SPECC1: variants seen among roughly 807,000 people sequenced by gnomAD.
SPECC1 encodes the protein sperm antigen with calponin homology and coiled-coil domains 1.
SPECC1 carries 62 observed loss-of-function variants against 104.1 expected under a neutral mutation model. That is an observed-to-expected ratio of 0.60 (90% CI 0.49 to 0.74). The LOEUF (loss-of-function observed/expected upper bound fraction) is 0.74, where lower values mean the gene tolerates loss of function less well. Ranked by LOEUF, SPECC1 falls within the 30% of genes least tolerant of loss-of-function variation. The pLI is 0.00. For missense variants in SPECC1, 1,306 were observed against 1,310.5 expected (o/e 1.00, Z 0.05); for synonymous variants, 513 against 501.6 (o/e 1.02, Z -0.30).
chr17:20,268,838 G>T lies in SPECC1; in HGVS notation c.2940+8544G>T, dbSNP rs2040301883. ...GTGTTTCTGGTTGGTTTTCTCTCAC[G>T]AGCCAGTGTGCTGTGGGGCACCCGC... On this transcript the variant is annotated intron_variant, in intron 12 of 14. Transcript: ENST00000395527. Among the ~76,000 whole-genome samples, 4 of 152,242 alleles carry T rather than the reference G, an allele frequency of 2.6e-5. No individual in the cohort carries two copies. The South Asian group carries it at 8.3e-4, about 32-fold the overall frequency.
At chr17:20,251,258 G>A (rs1391328190) in intron 9 of SPECC1, among the ~76,000 whole-genome samples, 1 of 92,270 alleles carries the variant, frequency 1.1e-5, no homozygotes, top group East Asian at 5.0e-4. Flanking sequence ...GGTCATCTTA[G>A]TAGGTGGTGG....
intron 1 of SPECC1, chr17:20,056,610 C>T (rs1384307308): frequency 1.1e-5 from 2 of 189,806 alleles, no homozygotes; most frequent in Non-Finnish European, 2.3e-5. Flanking sequence ...ATAGAGGTTT[C>T]CTAAGACACC....
chr17:20,298,558 G>A (rs1242500585), intron 13 of SPECC1, among the ~76,000 whole-genome samples: 1 of 152,148 alleles, frequency 6.6e-6, no homozygotes, highest in Non-Finnish European at 1.5e-5. Context: ...TGGGGCGGGA[G>A]AGGCGACAGA....
chr17:20,029,867 A>AT (rs1477694477), intron 1 of SPECC1, among the ~76,000 whole-genome samples: 1 of 151,448 alleles, frequency 6.6e-6, no homozygotes, highest in East Asian at 1.9e-4. Context: ...GGTTTTATTT[A>AT]TTTTTTTCCA....
intron 1 of SPECC1, among the ~76,000 whole-genome samples, chr17:20,032,007 G>T (rs1013351518): frequency 2.0e-5 from 3 of 152,162 alleles, no homozygotes; most frequent in African/African-American, 7.2e-5. Flanking sequence ...CCTTTTGGAT[G>T]TATATTTTTG....
intron 3 of SPECC1, among the ~76,000 whole-genome samples, chr17:20,140,810 A>G (rs1416488904): frequency 6.6e-6 from 1 of 152,218 alleles, no homozygotes; most frequent in Non-Finnish European, 1.5e-5. Flanking sequence ...TTACCAGAGT[A>G]ATCTTCCTAA....
intron 13 of SPECC1, among the ~76,000 whole-genome samples, chr17:20,299,840 C>T (rs547107178): frequency 1.3e-5 from 2 of 152,194 alleles, no homozygotes; most frequent in South Asian, 4.2e-4. Flanking sequence ...CAGGCGATTG[C>T]ACAGCAAATC....
chr17:20,063,953 G>T (rs528393081), intron 1 of SPECC1, among the ~76,000 whole-genome samples: 40 of 152,298 alleles, frequency 2.6e-4, no homozygotes, highest in Non-Finnish European at 4.6e-4. Flanking sequence ...GGGCCAAATG[G>T]CCTCAGGGCA....
chr17:20,306,062 G>C lies in SPECC1; in HGVS notation c.3097G>C (p.Val1033Leu), dbSNP rs772511195. Residue 1033 changes from valine to leucine, a missense_variant, in exon 14 of 15, where the codon GTA becomes CTA. Physicochemically the swap from Val to Leu is conservative, Grantham distance 32 (BLOSUM62 1). Coordinates refer to ENST00000395527, the MANE Select transcript of SPECC1 (RefSeq NM_001243439.2). ...GTTGGCATTTGAAGCGGCTGAAAGTGTAGGCATCAAACCCAGCCTGGTACG... is the reference window on the plus strand; with the variant it reads ...GTTGGCATTTGAAGCGGCTGAAAGTCTAGGCATCAAACCCAGCCTGGTACG... The part of the protein sequence containing the change: ...LLLAFEAAES[V>L]GIKPSLELSE... 3.1e-6 allele frequency: 5 copies of C among 1,613,946 alleles called. No individual in the cohort carries two copies. The highest frequency in any genetic ancestry group is 4.2e-6 in the Non-Finnish European group (5 of 1,179,964).
chr17:20,240,830 T>G (rs1310027054), intron 7 of SPECC1, among the ~76,000 whole-genome samples: 1 of 152,268 alleles, frequency 6.6e-6, no homozygotes, highest in African/African-American at 2.4e-5. Flanking sequence ...TTTTATTTTA[T>G]TGAATTTTAA....
intron 1 of SPECC1, among the ~76,000 whole-genome samples, chr17:20,067,650 CAT>C (rs1194089669): frequency 6.6e-6 from 1 of 151,858 alleles, no homozygotes; most frequent in African/African-American, 2.4e-5. Context: ...TAAATGTTTA[CAT>C]ATTTATAATA....
intron 1 of SPECC1, among the ~76,000 whole-genome samples, chr17:20,027,642 A>G (rs2044647948): frequency 6.6e-6 from 1 of 152,166 alleles, no homozygotes; most frequent in African/African-American, 2.4e-5. Flanking sequence ...TCTTCTGCAT[A>G]TCGATATCCA....
At chr17:20,176,402 T>C (rs936200982) in intron 3 of SPECC1, among the ~76,000 whole-genome samples, 1 of 152,250 alleles carries the variant, frequency 6.6e-6, no homozygotes, top group Admixed American at 6.5e-5. Context: ...TGCTTCTCCC[T>C]ACTTCCGTGT....
chr17:20,217,255 T>G (rs149558236), intron 4 of SPECC1, among the ~76,000 whole-genome samples: 251 of 151,954 alleles, frequency 1.7e-3, no homozygotes, highest in African/African-American at 5.6e-3. Context: ...AGGGTTTCAG[T>G]TTTTTTATTG....
chr17:20,217,599 G>T (rs925007798), intron 4 of SPECC1, among the ~76,000 whole-genome samples: 1 of 152,154 alleles, frequency 6.6e-6, no homozygotes, highest in Non-Finnish European at 1.5e-5. Flanking sequence ...CAGGCCCTTA[G>T]CCTGAGGACT....
At chr17:20,110,715 T>A (rs953152150) in intron 3 of SPECC1, among the ~76,000 whole-genome samples, 153 bp downstream of exon 3, 1 of 152,152 alleles carries the variant, frequency 6.6e-6, no homozygotes, top group African/African-American at 2.4e-5. Context: ...ACGATGTCGC[T>A]GCCCACAGGG....
rs369686078 is a variant in SPECC1 at position 20,118,743 on chromosome 17, CAT to C, written c.283+8184_283+8185del. Among the ~76,000 whole-genome samples, 42 of 152,242 alleles carry C rather than the reference CAT, an allele frequency of 2.8e-4. No homozygotes were observed. The East Asian group carries it at 6.9e-3, about 25-fold the overall frequency. On this transcript the variant is annotated intron_variant, in intron 3 of 14. Transcript: ENST00000395527. The stretch of plus-strand genomic sequence containing the variant: ...TCCTGTGCTGTTTGAACATTTTAAA[CAT>C]ATGCATACATTGCTATACAAAATTA...
chr17:20,052,432 C>T (rs573974838), intron 1 of SPECC1, among the ~76,000 whole-genome samples: 1 of 152,276 alleles, frequency 6.6e-6, no homozygotes, highest in East Asian at 1.9e-4. Flanking sequence ...AGAATCTAGA[C>T]CAAAAACCAG....
chr17:20,198,886 A>G (rs890819514), intron 3 of SPECC1, among the ~76,000 whole-genome samples: 4 of 152,118 alleles, frequency 2.6e-5, no homozygotes, highest in African/African-American at 9.7e-5. Flanking sequence ...ACTTCCTTAG[A>G]AAGGGTATTA....
Sources: gnomAD v4.1 joint callset for allele counts (sites outside exome capture counted in the v4.1 genomes callset) on GRCh38, gnomAD v4.1.1 for gene constraint, MANE v1.5 for transcripts, NCBI Gene and HGNC (gene_info 2026-07-23, HGNC 2026-07-21) for gene names.